TRIM9: variants seen among roughly 807,000 people sequenced by gnomAD.
TRIM9 encodes the protein E3 ubiquitin-protein ligase TRIM9.
A neutral mutation model predicts 78.3 loss-of-function variants in TRIM9; 26 were observed. That is an observed-to-expected ratio of 0.33 (90% confidence interval 0.24 to 0.46). The LOEUF (loss-of-function observed/expected upper bound fraction) is 0.46, where lower values mean the gene tolerates loss of function less well. Among genes scored for constraint, TRIM9 ranks in the 20% least tolerant of loss-of-function variants. TRIM9 has a pLI of 1.00. For missense variants in TRIM9, 787 were observed against 1,036.4 expected (o/e 0.76, Z 3.30); for synonymous variants, 398 against 416.5 (o/e 0.96, Z 0.54).
intron 5 of TRIM9, among the ~76,000 whole-genome samples, chr14:51,003,388 G>A (rs965312991): frequency 6.6e-6 from 1 of 151,748 alleles, no homozygotes; most frequent in Admixed American, 6.6e-5. Flanking sequence ...CTCCATATTA[G>A]TCTTTCTTTT....
intron 3 of TRIM9, among the ~76,000 whole-genome samples, chr14:51,011,103 G>A (rs1407242032): frequency 1.3e-5 from 2 of 152,154 alleles, no homozygotes; most frequent in South Asian, 2.1e-4. Flanking sequence ...GAAAGAAGAC[G>A]GATGCAGAAT....
At chr14:51,011,258 T>C (rs1241427022) in intron 3 of TRIM9, among the ~76,000 whole-genome samples, 1 of 152,246 alleles carries the variant, frequency 6.6e-6, no homozygotes, top group Non-Finnish European at 1.5e-5. Context: ...AAGCTGTCTG[T>C]GCTTGGTGAT....
rs2061052989 is a variant in TRIM9 at position 51,058,308 on chromosome 14, AG to A, written c.823-32949del. On this transcript the variant is annotated intron_variant, in intron 1 of 12. Coordinates refer to ENST00000684578, the MANE Select transcript of TRIM9 (RefSeq NM_001387360.1). ...TTGAGCTAGTTACTCAGGTGATGTG[AG>A]GCTCACATCTACAGAATGGAAAAGG... Among the ~76,000 whole-genome samples, 3 of 152,186 alleles carry A rather than the reference AG, an allele frequency of 2.0e-5. No individual in the cohort carries two copies. In the South Asian group the frequency reaches 6.2e-4, roughly 32 times the overall value.
At chr14:51,042,937 T>TA (rs1432250376) in intron 1 of TRIM9, among the ~76,000 whole-genome samples, 1 of 152,222 alleles carries the variant, frequency 6.6e-6, no homozygotes, top group African/African-American at 2.4e-5. Flanking sequence ...TGTAAATATA[T>TA]ACATATACAT....
chr14:51,073,641 C>T (rs373720426), intron 1 of TRIM9, among the ~76,000 whole-genome samples: 19 of 152,224 alleles, frequency 1.2e-4, no homozygotes, highest in South Asian at 4.1e-4. Flanking sequence ...GTGGTGTGGG[C>T]GCTCTGGACT....
In TRIM9 at chr14:50,976,420, T is replaced by A. The variant is rs2139242522; in HGVS notation, c.*871A>T. The A allele has an allele frequency of 6.6e-6, 1 of 152,354 alleles. No individual in the cohort carries two copies. The highest frequency in any genetic ancestry group is 2.1e-4 in the South Asian group (1 of 4,820). The allele number at this position is 152,354 out of a possible 1,614,324, so 9.4% of individuals were successfully genotyped here. ...ATTTTATTTTTGCTTTTTCTCCTACTGGAATATAAGCTCCGAAGGGCAGAG... is the reference window on the plus strand; with the variant it reads ...ATTTTATTTTTGCTTTTTCTCCTACAGGAATATAAGCTCCGAAGGGCAGAG... On this transcript the variant is annotated 3_prime_UTR_variant, in exon 13 of 13. Transcript: ENST00000684578.
At chr14:51,017,738 C>A (rs1373078364) in intron 3 of TRIM9, among the ~76,000 whole-genome samples, 1 of 152,174 alleles carries the variant, frequency 6.6e-6, no homozygotes, top group Non-Finnish European at 1.5e-5. Context: ...TCACCCATAT[C>A]TGGGTTGAAG....
intron 1 of TRIM9, among the ~76,000 whole-genome samples, chr14:51,085,182 A>G (rs2063636870): frequency 2.0e-5 from 3 of 152,210 alleles, no homozygotes; most frequent in Admixed American, 2.0e-4. Flanking sequence ...AGTAAGAGTA[A>G]GAGGAGATGA....
intron 7 of TRIM9, chr14:50,996,534 C>T (rs1194880874): frequency 3.0e-6 from 3 of 985,282 alleles, no homozygotes; most frequent in Non-Finnish European, 3.6e-6. Flanking sequence ...ATATTAGCAA[C>T]ATTGCTACAA....
chr14:50,996,765 G>A, intron 7 of TRIM9: 1 of 985,444 alleles, frequency 1.0e-6, no homozygotes. Flanking sequence ...AATTCTGGGG[G>A]AAGCTGTAGC....
chr14:50,998,334 T>A (rs2054498236), intron 6 of TRIM9, 146 bp from the exon 7 acceptor site: 1 of 711,046 alleles, frequency 1.4e-6, no homozygotes, highest in Non-Finnish European at 2.3e-6. Flanking sequence ...GCCATTTAAT[T>A]TACCTTTTTA....
chr14:51,008,705 T>C (rs1028487263), intron 5 of TRIM9, among the ~76,000 whole-genome samples: 3 of 152,256 alleles, frequency 2.0e-5, no homozygotes, highest in East Asian at 1.9e-4. Flanking sequence ...TCTCTATCCA[T>C]GTGGAAGCAA....
At chr14:51,013,114 G>C (rs775541383) in intron 3 of TRIM9, among the ~76,000 whole-genome samples, 8 of 152,162 alleles carry the variant, frequency 5.3e-5, no homozygotes, top group Non-Finnish European at 1.2e-4. Context: ...GTGTCCCAAA[G>C]GGTTCCCCCT....
intron 1 of TRIM9, among the ~76,000 whole-genome samples, chr14:51,056,908 A>T (rs949745882): frequency 6.6e-6 from 1 of 152,200 alleles, no homozygotes; most frequent in Non-Finnish European, 1.5e-5. Flanking sequence ...GCAGATATTT[A>T]TTAAGGCAAA....
chr14:50,983,260 G>T, intron 9 of TRIM9, 120 bp downstream of exon 9: 1 of 842,600 alleles, frequency 1.2e-6, no homozygotes, highest in South Asian at 2.0e-5. Context: ...GCTATAATAG[G>T]GTTAGAATGA....
Position 50,981,795 on chromosome 14 carries a change from G to T in TRIM9, c.2162+5C>A. 1 of 1,613,572 alleles carries T rather than the reference G, an allele frequency of 6.2e-7. No individual in the cohort carries two copies. The highest frequency in any genetic ancestry group is 8.5e-7 in the Non-Finnish European group (1 of 1,179,516). The stretch of plus-strand genomic sequence containing the variant: ...AGAAGGCTTGGTTTGGGGGCTGCAG[G>T]GTACCTGTTGGTGTGCGAGTTGTTG... On this transcript the variant is annotated splice_donor_5th_base_variant and intron_variant, in intron 11 of 12. Coordinates refer to ENST00000684578, the MANE Select transcript of TRIM9 (RefSeq NM_001387360.1).
At chr14:51,022,764 CA>C in intron 3 of TRIM9, 70 bp downstream of exon 3, 1 of 1,593,508 alleles carries the variant, frequency 6.3e-7, no homozygotes, top group South Asian at 1.1e-5. Context: ...GGAATTCTCC[CA>C]GCCTGTCCAT....
intron 12 of TRIM9, chr14:50,979,065 A>G: frequency 1.5e-6 from 2 of 1,323,894 alleles, no homozygotes; most frequent in Non-Finnish European, 1.9e-6. Context: ...ATTTGTTTTC[A>G]TGCCAGTTGG....
chr14:51,067,079 C>T (rs989741334), intron 1 of TRIM9, among the ~76,000 whole-genome samples: 4 of 152,136 alleles, frequency 2.6e-5, no homozygotes, highest in African/African-American at 9.7e-5. Flanking sequence ...AGATTTTGTA[C>T]TCTCCATCTT....
Sources: allele counts gnomAD v4.1 joint callset (sites outside exome capture counted in the v4.1 genomes callset), GRCh38; gene constraint gnomAD v4.1.1; transcripts MANE v1.5; gene names NCBI Gene and HGNC (gene_info 2026-07-23, HGNC 2026-07-21).